The following NMNAT2 variants were observed in gnomAD, a reference collection of about 807,000 sequenced individuals.
The protein encoded by NMNAT2 is nicotinamide/nicotinic acid mononucleotide adenylyltransferase 2.
Under a neutral mutation model 41.6 loss-of-function variants are expected in NMNAT2, and 11 were observed. The ratio of observed to expected loss-of-function variants is 0.26; its 90% CI spans 0.17 to 0.44. The LOEUF (loss-of-function observed/expected upper bound fraction) is 0.44, where lower values mean the gene tolerates loss of function less well. Among genes scored for constraint, NMNAT2 ranks in the 20% least tolerant of loss-of-function variants. The pLI is 1.00. For synonymous variants in NMNAT2, 148 were observed against 151.2 expected (o/e 0.98, Z 0.16); for missense variants, 288 against 407.7 (o/e 0.71, Z 2.53).
intron 10 of NMNAT2, among the ~76,000 whole-genome samples, 162 bp downstream of exon 10, chr1:183,260,840 A>T (rs981202446): frequency 2.0e-5 from 3 of 151,710 alleles, no homozygotes; most frequent in Admixed American, 6.6e-5. Context: ...AAAAAAAAAA[A>T]AATGTAAAAT....
intron 1 of NMNAT2, among the ~76,000 whole-genome samples, chr1:183,384,803 T>A (rs1338377): frequency 9.9e-5 from 15 of 152,196 alleles, no homozygotes; most frequent in African/African-American, 3.4e-4. Context: ...AAGATTAATG[T>A]CTGTGGTATA....
chr1:183,262,842 G>T (rs566387155), intron 8 of NMNAT2, among the ~76,000 whole-genome samples: 2 of 152,310 alleles, frequency 1.3e-5, no homozygotes, highest in East Asian at 1.9e-4. Flanking sequence ...GATCCCAGAT[G>T]GGGGAAGAGG....
chr1:183,405,210 A>G (rs760419775), intron 1 of NMNAT2, among the ~76,000 whole-genome samples: 23 of 151,934 alleles, frequency 1.5e-4, no homozygotes, highest in Non-Finnish European at 2.9e-4. Flanking sequence ...ACAGAGCAAG[A>G]CTCTGTCTTT....
chr1:183,369,508 A>G (rs1321407698), intron 1 of NMNAT2, among the ~76,000 whole-genome samples: 1 of 151,888 alleles, frequency 6.6e-6, no homozygotes, highest in Non-Finnish European at 1.5e-5. Flanking sequence ...CGATCTCCTG[A>G]CCTCATGATC....
Position 183,290,113 on chromosome 1 carries a change from C to G in NMNAT2, c.321+15G>C, listed in dbSNP as rs1391106461. The G allele has an allele frequency of 6.4e-7, 1 of 1,564,582 alleles. No individual in the cohort carries two copies. The highest frequency in any genetic ancestry group is 8.7e-7 in the Non-Finnish European group (1 of 1,153,348). The stretch of plus-strand genomic sequence containing the variant: ...CTCTGGTGGTTCACGCATCCCCAGG[C>G]TTGGCCCAGCTCACCTTCATGAGGT... On this transcript the variant is annotated intron_variant, in intron 4 of 10. Transcript: ENST00000287713.
At chr1:183,278,711 A>AATAC in intron 7 of NMNAT2, 82 bp from the exon 8 acceptor site, 1 of 945,512 alleles carries the variant, frequency 1.1e-6, no homozygotes, top group East Asian at 2.5e-5. Context: ...TCCCCTGGTG[A>AATAC]ATACATAACT....
At chr1:183,380,785 G>A (rs930587116) in intron 1 of NMNAT2, among the ~76,000 whole-genome samples, 7 of 152,196 alleles carry the variant, frequency 4.6e-5, no homozygotes, top group African/African-American at 1.4e-4. Flanking sequence ...GTTTCAGTTC[G>A]GTTGGAGTAG....
At chr1:183,327,969 C>T (rs1328077363) in intron 1 of NMNAT2, among the ~76,000 whole-genome samples, 1 of 152,132 alleles carries the variant, frequency 6.6e-6, no homozygotes, top group Non-Finnish European at 1.5e-5. Context: ...ACTTAGCAAG[C>T]AGGTCTTCTG....
At chr1:183,363,307 T>A (rs1351680530) in intron 1 of NMNAT2, among the ~76,000 whole-genome samples, 1 of 152,214 alleles carries the variant, frequency 6.6e-6, no homozygotes, top group African/African-American at 2.4e-5. Context: ...AGCTTTATTA[T>A]CTGTAAAAAT....
rs1428584382 is a variant in NMNAT2 at position 183,370,223 on chromosome 1, T to TGCACACACAC, written c.85+47959_85+47960insGTGTGTGTGC. 8.9e-5 allele frequency among the ~76,000 whole-genome samples: 10 copies of TGCACACACAC among 112,822 alleles called. No individual in the cohort carries two copies. The East Asian group carries it at 1.9e-3, about 21-fold the overall frequency. 74.0% of individuals were successfully genotyped at this position (112,822 alleles called of 152,430 possible). ...ACTTCCTACCACTACTATCAACACA[T>TGCACACACAC]ACACACACACACACACACACACACA... On this transcript the variant is annotated intron_variant, in intron 1 of 10. Coordinates refer to ENST00000287713, the MANE Select transcript of NMNAT2 (RefSeq NM_015039.4).
At chr1:183,407,265 G>T (rs1156254770) in intron 1 of NMNAT2, among the ~76,000 whole-genome samples, 1 of 152,158 alleles carries the variant, frequency 6.6e-6, no homozygotes. Flanking sequence ...AACATGACTT[G>T]CAGGTTCCCA....
At chr1:183,258,786 G>A (rs931617325) in intron 10 of NMNAT2, among the ~76,000 whole-genome samples, 3 of 151,776 alleles carry the variant, frequency 2.0e-5, no homozygotes, top group African/African-American at 7.3e-5. Flanking sequence ...TGAATTTGCG[G>A]CCCCCCACCC....
At chr1:183,417,337 C>T (rs1408950847) in intron 1 of NMNAT2, among the ~76,000 whole-genome samples, 1 of 152,198 alleles carries the variant, frequency 6.6e-6, no homozygotes, top group African/African-American at 2.4e-5. Context: ...TCCCCTCCCC[C>T]CAACACGCAC....
chr1:183,352,957 G>A (rs559256258), intron 1 of NMNAT2, among the ~76,000 whole-genome samples: 6 of 152,290 alleles, frequency 3.9e-5, no homozygotes, highest in Admixed American at 3.3e-4. Flanking sequence ...ATGGGCAAGG[G>A]AATATGAAGA....
In NMNAT2 at chr1:183,348,524, A is replaced by G. The variant is rs560457280; in HGVS notation, c.86-54731T>C. The stretch of plus-strand genomic sequence containing the variant: ...AGACCCTTTTCTCAGTCAAAAAATC[A>G]GAGAAGGAGATTGGGGGTGTGGGGG... On this transcript the variant is annotated intron_variant, in intron 1 of 10. Transcript: ENST00000287713. 2.3e-4 allele frequency among the ~76,000 whole-genome samples: 35 copies of G among 152,330 alleles called. 1 individual carries two copies. In the South Asian group the frequency reaches 6.2e-3, roughly 27 times the overall value.
intron 1 of NMNAT2, among the ~76,000 whole-genome samples, chr1:183,405,057 T>A (rs76684605): frequency 2.6e-5 from 4 of 151,910 alleles, no homozygotes; most frequent in African/African-American, 9.7e-5. Context: ...CCCATCTCTA[T>A]AAAAAAGCAA....
intron 3 of NMNAT2, 108 bp downstream of exon 3, chr1:183,292,682 C>A: frequency 1.0e-6 from 1 of 999,974 alleles, no homozygotes; most frequent in Non-Finnish European, 1.6e-6. Flanking sequence ...GCCCCTGCCT[C>A]CCCATCCTTT....
In NMNAT2 at chr1:183,249,703, G is replaced by A. The variant is rs199574623; in HGVS notation, c.*2938C>T. The A allele has an allele frequency of 6.6e-6, 1 of 152,662 alleles. No individual in the cohort carries two copies. Among genetic ancestry groups the A allele is most frequent in the East Asian group, 1.9e-4 (1 of 5,216 alleles). The allele number at this position is 152,662 out of a possible 1,614,324, so 9.5% of individuals were successfully genotyped here. On this transcript the variant is annotated 3_prime_UTR_variant, in exon 11 of 11. Coordinates refer to ENST00000287713, the MANE Select transcript of NMNAT2 (RefSeq NM_015039.4). ...AGGGCGTGTGTGTGTGTGTGTGTGT[G>A]TGTGTGTGTGTGTGTGTGTGTGTGT...
At chr1:183,339,807 C>T (rs1536985) in intron 1 of NMNAT2, among the ~76,000 whole-genome samples, 107,342 of 151,912 alleles carry the variant, frequency 0.71, 38,088 homozygotes, top group East Asian at 0.9. Flanking sequence ...GCCTTTTTAT[C>T]TCTGCCTTCT....
Sources: gnomAD v4.1 joint callset for allele counts (sites outside exome capture counted in the v4.1 genomes callset) on GRCh38, gnomAD v4.1.1 for gene constraint, MANE v1.5 for transcripts, NCBI Gene and HGNC (gene_info 2026-07-23, HGNC 2026-07-21) for gene names.